The following NFYA variants were observed in gnomAD, a reference collection of about 807,000 sequenced individuals.
NFYA encodes CAAT-box DNA binding protein subunit A.
Under a neutral mutation model 52.8 loss-of-function variants are expected in NFYA, and 28 were observed. The ratio of observed to expected loss-of-function variants is 0.53; its 90% CI spans 0.39 to 0.73. NFYA has a LOEUF of 0.73. Ranked by LOEUF, NFYA falls within the 30% of genes least tolerant of loss-of-function variation. NFYA has a pLI of 0.00. For synonymous variants in NFYA, 150 were observed against 150.7 expected (o/e 1.00, Z 0.03); for missense variants, 234 against 427.0 (o/e 0.55, Z 3.98).
chr6:41,097,471 C>A lies in NFYA; in HGVS notation c.*61C>A. The A allele has an allele frequency of 8.4e-6, 13 of 1,539,596 alleles. No homozygotes were observed. The highest frequency in any genetic ancestry group is 6.7e-5 in the South Asian group (6 of 88,980). On this transcript the variant is annotated 3_prime_UTR_variant, in exon 10 of 10. Coordinates refer to ENST00000341376, the MANE Select transcript of NFYA (RefSeq NM_002505.5). Reference sequence around the variant, plus strand: ...TTTCTCACTGTTCCAGGAAATTGATCAACTCTTCCAATGGGACATTGATGA... The same window carrying A: ...TTTCTCACTGTTCCAGGAAATTGATAAACTCTTCCAATGGGACATTGATGA...
chr6:41,091,488 T>C (rs1198937727), intron 6 of NFYA, 40 bp from the exon 7 acceptor site: 1 of 1,599,292 alleles, frequency 6.3e-7, no homozygotes. Context: ...CTGTTCTGTG[T>C]GCCTGTTTTT....
In NFYA at chr6:41,100,163, C is replaced by T. The variant is rs1373078775; in HGVS notation, c.*2753C>T. On this transcript the variant is annotated 3_prime_UTR_variant, in exon 10 of 10. Coordinates refer to ENST00000341376, the MANE Select transcript of NFYA (RefSeq NM_002505.5). ...TTTCTTCCCTTTTGGCCCTTCCACC[C>T]TGTTGAGGAGATTTTTTCTGTCACC... Among the ~76,000 whole-genome samples, 2 of 152,232 alleles carry T rather than the reference C, an allele frequency of 1.3e-5. No individual in the cohort carries two copies. Among genetic ancestry groups the T allele is most frequent in the Non-Finnish European group, 2.9e-5 (2 of 68,020 alleles).
intron 2 of NFYA, 21 bp downstream of exon 2, chr6:41,079,185 TA>T (rs1283208856): frequency 6.2e-7 from 1 of 1,611,456 alleles, no homozygotes; most frequent in African/African-American, 1.3e-5. Context: ...AAAACTGCTT[TA>T]AACATTACAG....
intron 2 of NFYA, among the ~76,000 whole-genome samples, chr6:41,080,324 T>C (rs1425850106): frequency 2.6e-5 from 4 of 152,090 alleles, no homozygotes; most frequent in Non-Finnish European, 5.9e-5. Context: ...AAAAGAATCT[T>C]AGTTTTGGGA....
chr6:41,073,769 C>T (rs753368841), intron 1 of NFYA, among the ~76,000 whole-genome samples: 32 of 152,220 alleles, frequency 2.1e-4, no homozygotes, highest in Non-Finnish European at 4.6e-4. Flanking sequence ...TTCGCCCACT[C>T]CCCCTGCTCC....
chr6:41,080,817 G>A lies in NFYA; in HGVS notation c.82G>A (p.Gly28Ser). 1 of 1,613,410 alleles carries A rather than the reference G, an allele frequency of 6.2e-7. No homozygotes were observed. The highest frequency in any genetic ancestry group is 8.5e-7 in the Non-Finnish European group (1 of 1,179,426). ...QAGQIQQQQQ[G>S]GVTAVQLQTE... is the part of the protein sequence containing the mutation. ...TTCCTGTTCCTGTTCTCAGCAGCAG[G>A]GTGGTGTCACTGCTGTGCAGTTGCA... Residue 28 changes from glycine (G) to serine (S), a missense_variant, in exon 3 of 10, where the codon GGT becomes AGT. By Grantham distance (56) the Gly-to-Ser change is moderately conservative (BLOSUM62 0). Coordinates refer to ENST00000341376, the MANE Select transcript of NFYA (RefSeq NM_002505.5).
intron 1 of NFYA, among the ~76,000 whole-genome samples, chr6:41,074,737 A>G (rs1763685525): frequency 6.6e-6 from 1 of 152,194 alleles, no homozygotes; most frequent in South Asian, 2.1e-4. Context: ...ATTATTTTGT[A>G]TGGAGGTTCA....
chr6:41,094,310 A>G, intron 8 of NFYA, 86 bp from the exon 9 acceptor site: 2 of 1,162,656 alleles, frequency 1.7e-6, no homozygotes, highest in Admixed American at 1.9e-5. Context: ...GCTGTCTTAA[A>G]CTTTGGAGAA....
intron 1 of NFYA, among the ~76,000 whole-genome samples, chr6:41,078,675 A>G (rs191258368): frequency 1.8e-4 from 27 of 152,352 alleles, no homozygotes; most frequent in African/African-American, 5.8e-4. Flanking sequence ...TACAACTTAA[A>G]GAAGCTTTAT....
At chr6:41,086,932 T>G (rs1764063555) in intron 4 of NFYA, among the ~76,000 whole-genome samples, 1 of 152,174 alleles carries the variant, frequency 6.6e-6, no homozygotes, top group Admixed American at 6.5e-5. Context: ...ATAAGAATTT[T>G]TATGCTATAG....
Position 41,100,217 on chromosome 6 carries a change from T to C in NFYA, c.*2807T>C, listed in dbSNP as rs1764461870. On this transcript the variant is annotated 3_prime_UTR_variant, in exon 10 of 10. Coordinates refer to ENST00000341376, the MANE Select transcript of NFYA (RefSeq NM_002505.5). The stretch of plus-strand genomic sequence containing the variant: ...AGGCTGATCATACATTTGATGCTAC[T>C]ACTGAAAGTGTTTATCAAAATGTGA... Among the ~76,000 whole-genome samples the C allele has an allele frequency of 6.6e-6, 1 of 152,234 alleles. No individual in the cohort carries two copies. Among genetic ancestry groups the C allele is most frequent in the Admixed American group, 6.5e-5 (1 of 15,278 alleles).
In NFYA at chr6:41,101,488, C is replaced by T. The variant is rs549254400; in HGVS notation, c.*4078C>T. On this transcript the variant is annotated 3_prime_UTR_variant, in exon 10 of 10. Coordinates refer to ENST00000341376, the MANE Select transcript of NFYA (RefSeq NM_002505.5). ...TGAACCCGTTTTTCCCAACCCCGAG[C>T]ATTTTCTATTAAGCGTTCTGTTTCA... is the stretch of plus-strand genomic sequence containing the variant. 1.3e-5 allele frequency among the ~76,000 whole-genome samples: 2 copies of T among 152,274 alleles called. No homozygotes were observed. Among genetic ancestry groups the T allele is most frequent in the Admixed American group, 1.3e-4 (2 of 15,290 alleles).
At chr6:41,094,544 G>T (rs1242070460) in intron 9 of NFYA, 47 bp downstream of exon 9, 8 of 1,477,282 alleles carry the variant, frequency 5.4e-6, no homozygotes, top group South Asian at 1.1e-5. Flanking sequence ...ACCTTGTATT[G>T]ACTTGAGTTG....
intron 2 of NFYA, among the ~76,000 whole-genome samples, chr6:41,080,316 A>G (rs557864200): frequency 6.6e-6 from 1 of 152,294 alleles, no homozygotes; most frequent in East Asian, 1.9e-4. Flanking sequence ...TTAAAAAAAA[A>G]AGAATCTTAG....
intron 1 of NFYA, among the ~76,000 whole-genome samples, chr6:41,073,462 C>G (rs1308107096): frequency 6.6e-6 from 1 of 152,064 alleles, no homozygotes; most frequent in Non-Finnish European, 1.5e-5. Context: ...CGCCCTGGGC[C>G]TCGGCGATTT....
chr6:41,093,751 G>A (rs564294496), intron 8 of NFYA, among the ~76,000 whole-genome samples: 2 of 152,320 alleles, frequency 1.3e-5, no homozygotes, highest in East Asian at 1.9e-4. Flanking sequence ...GATTATAGGC[G>A]TGAGCCACCA....
At position 41,089,775 on chromosome 6, in the gene NFYA, G is replaced by A. The variant is rs549832007; in HGVS notation, c.441+65G>A. The A allele has an allele frequency of 2.9e-5, 46 of 1,574,000 alleles. No homozygotes were observed. The African/African-American group carries it at 5.7e-4, about 19-fold the overall frequency. On this transcript the variant is annotated intron_variant, in intron 5 of 9. Transcript: ENST00000341376. ...TTGGAAGAGTCAGATAACTGAGTCA[G>A]ATATTTCATGTATAGCATGTATAGT...
intron 4 of NFYA, among the ~76,000 whole-genome samples, chr6:41,087,918 T>G (rs1764090333): frequency 6.6e-6 from 1 of 152,150 alleles, no homozygotes; most frequent in Non-Finnish European, 1.5e-5. Context: ...ACACGATCCC[T>G]TGCTTTCCAT....
Position 41,080,904 on chromosome 6 carries a change from C to T in NFYA, c.162+7C>T, listed in dbSNP as rs569128714. 1.1e-5 allele frequency: 17 copies of T among 1,611,330 alleles called. No homozygotes were observed. Among genetic ancestry groups the T allele is most frequent in the Non-Finnish European group, 5.9e-6 (7 of 1,177,492 alleles). ...AGTCCAGACCCTCCAGGTAGTGGTACCCTCTCTGATTCTCTGTGAGCACTG... is the reference window on the plus strand; with the variant it reads ...AGTCCAGACCCTCCAGGTAGTGGTATCCTCTCTGATTCTCTGTGAGCACTG... On this transcript the variant is annotated splice_region_variant and intron_variant, in intron 3 of 9. Coordinates refer to ENST00000341376, the MANE Select transcript of NFYA (RefSeq NM_002505.5).
Sources: gnomAD v4.1 joint callset for allele counts (sites outside exome capture counted in the v4.1 genomes callset) on GRCh38, gnomAD v4.1.1 for gene constraint, MANE v1.5 for transcripts, NCBI Gene and HGNC (gene_info 2026-07-23, HGNC 2026-07-21) for gene names.